The following ITPR2 variants were observed in gnomAD, a reference collection of about 807,000 sequenced individuals.
ITPR2 encodes inositol 1,4,5-trisphosphate receptor type 2, also known as inositol 1,4,5-trisphosphate-gated calcium channel ITPR2.
Under a neutral mutation model 317.1 loss-of-function variants are expected in ITPR2, and 207 were observed. That is an observed-to-expected ratio of 0.65 (90% CI 0.58 to 0.73). The LOEUF (loss-of-function observed/expected upper bound fraction) is 0.73. ITPR2 is among the 30% of genes least tolerant of loss of function. The pLI is 0.00. For missense variants in ITPR2, 2,613 were observed against 3,284.0 expected, an observed-to-expected ratio of 0.80 and a Z score of 4.99; for synonymous variants, 1,156 against 1,149.1, an observed-to-expected ratio of 1.01 and a Z score of -0.12.
intron 39 of ITPR2, among the ~76,000 whole-genome samples, chr12:26,488,136 G>C (rs1942714114): frequency 6.6e-6 from 1 of 151,964 alleles, no homozygotes; most frequent in South Asian, 2.1e-4. Context: ...GTGGGTGGGG[G>C]AATTATAACT....
At chr12:26,804,099 T>C (rs974896480) in intron 1 of ITPR2, among the ~76,000 whole-genome samples, 1 of 151,982 alleles carries the variant, frequency 6.6e-6, no homozygotes, top group Admixed American at 6.5e-5. Flanking sequence ...AACTAGTAAA[T>C]AGAATCTTTC....
chr12:26,687,353 G>C (rs551884775), intron 10 of ITPR2, among the ~76,000 whole-genome samples: 1 of 152,142 alleles, frequency 6.6e-6, no homozygotes. Flanking sequence ...TGCAATATAA[G>C]CTTGGTAGTT....
chr12:26,523,573 T>G (rs535833108), intron 37 of ITPR2, among the ~76,000 whole-genome samples: 1 of 152,160 alleles, frequency 6.6e-6, no homozygotes, highest in Non-Finnish European at 1.5e-5. Flanking sequence ...AGAAAACATT[T>G]TTCTCTACTT....
At chr12:26,357,311 T>C (rs1237799057) in intron 55 of ITPR2, among the ~76,000 whole-genome samples, 1 of 152,158 alleles carries the variant, frequency 6.6e-6, no homozygotes, top group Non-Finnish European at 1.5e-5. Flanking sequence ...ATCAGGCCTA[T>C]GTAATGAAGC....
chr12:26,498,880 AGGCTGGAGTACAGT>A (rs1360353636), intron 37 of ITPR2, among the ~76,000 whole-genome samples: 1 of 152,164 alleles, frequency 6.6e-6, no homozygotes, highest in Non-Finnish European at 1.5e-5. Flanking sequence ...TGTGTTGCCC[AGGCTGGAGTACAGT>A]GGCACAATCA....
intron 34 of ITPR2, among the ~76,000 whole-genome samples, chr12:26,565,825 G>A (rs1272240604): frequency 7.4e-6 from 1 of 135,148 alleles, no homozygotes; most frequent in African/African-American, 2.9e-5. Flanking sequence ...AAGAAAAGAA[G>A]AGAGGAGAGG....
intron 21 of ITPR2, 152 bp downstream of exon 21, chr12:26,653,824 C>A: frequency 1.7e-6 from 1 of 588,132 alleles, no homozygotes; most frequent in Non-Finnish European, 2.9e-6. Context: ...TGTAAATCCA[C>A]CTTATTATCA....
chr12:26,652,276 G>A (rs1323845375), intron 21 of ITPR2, among the ~76,000 whole-genome samples: 3 of 152,170 alleles, frequency 2.0e-5, no homozygotes, highest in South Asian at 2.1e-4. Context: ...CTGTCCCCTC[G>A]CTTCTAGTTA....
intron 51 of ITPR2, among the ~76,000 whole-genome samples, chr12:26,411,790 A>G (rs1254144206): frequency 6.6e-6 from 1 of 152,126 alleles, no homozygotes; most frequent in East Asian, 1.9e-4. Flanking sequence ...CTGAGCCCTA[A>G]GCCACTCGTC....
intron 30 of ITPR2, 146 bp from the exon 31 acceptor site, chr12:26,597,280 G>T (rs867202182): frequency 1.1e-6 from 1 of 937,332 alleles, no homozygotes. Flanking sequence ...CTTGGGGAGG[G>T]TGGTGACAAG....
chr12:26,371,398 C>A (rs909918791), intron 55 of ITPR2, among the ~76,000 whole-genome samples: 1 of 152,096 alleles, frequency 6.6e-6, no homozygotes, highest in African/African-American at 2.4e-5. Flanking sequence ...AGAAATAGTT[C>A]TAGGTACTGG....
chr12:26,825,019 G>T (rs570809656), intron 1 of ITPR2, among the ~76,000 whole-genome samples: 1 of 152,246 alleles, frequency 6.6e-6, no homozygotes, highest in South Asian at 2.1e-4. Flanking sequence ...ATCACCTGAG[G>T]TTAGGAGTTT....
intron 49 of ITPR2, among the ~76,000 whole-genome samples, chr12:26,420,475 A>C (rs11048508): frequency 0.4 from 60,250 of 152,042 alleles, 13,633 homozygotes; most frequent in Non-Finnish European, 0.52. Flanking sequence ...TTTTCCTTTC[A>C]ATTTCTGAAG....
At chr12:26,484,781 C>A (rs566916298) in intron 41 of ITPR2, among the ~76,000 whole-genome samples, 1 of 152,014 alleles carries the variant, frequency 6.6e-6, no homozygotes. Context: ...GCATCATCTC[C>A]GCTCACTGCA....
At chr12:26,346,275 G>A (rs1255482128) in intron 55 of ITPR2, among the ~76,000 whole-genome samples, 1 of 152,226 alleles carries the variant, frequency 6.6e-6, no homozygotes, top group Non-Finnish European at 1.5e-5. Flanking sequence ...TTAGATAGAA[G>A]TGTAGAAACC....
chr12:26,398,869 C>G lies in ITPR2; in HGVS notation c.7696+7G>C. The G allele has an allele frequency of 1.9e-6, 3 of 1,606,644 alleles. No homozygotes were observed. Among genetic ancestry groups the G allele is most frequent in the Non-Finnish European group, 2.5e-6 (3 of 1,177,662 alleles). On this transcript the variant is annotated splice_region_variant and intron_variant, in intron 54 of 56. Transcript: ENST00000381340. ...ATCTATTATTTTAGCATCTGCCGAA[C>G]ACTTACCACAGATGAAACAAGTTGT... is the stretch of plus-strand genomic sequence containing the variant.
At chr12:26,668,805 AC>A (rs200333607) in intron 13 of ITPR2, among the ~76,000 whole-genome samples, 2 of 138,348 alleles carry the variant, frequency 1.4e-5, no homozygotes, top group African/African-American at 5.1e-5. Context: ...AGGTGGATAT[AC>A]CAAAAAAAAA....
At chr12:26,777,211 T>C (rs190976972) in intron 2 of ITPR2, among the ~76,000 whole-genome samples, 54 of 152,326 alleles carry the variant, frequency 3.5e-4, no homozygotes, top group Admixed American at 2.0e-3. Context: ...TCCCTTGGTT[T>C]AATGTGGAGG....
In ITPR2 at chr12:26,725,761, G is replaced by A. The variant is rs1948909052; in HGVS notation, c.168C>T (p.Cys56=). 1.2e-6 allele frequency: 2 copies of A among 1,608,210 alleles called. No individual in the cohort carries two copies. The highest frequency in any genetic ancestry group is 1.7e-6 in the Non-Finnish European group (2 of 1,175,122). ...LANPPKKFRD[C]LFKVCPMNRY... ...TGTTCATAGGGCACACCTTGAAAAG[G>A]CAGTCTGTGACAAACCAACATACAA... The change falls in exon 3 of 57, where the codon TGC becomes TGT. Residue 56 remains cysteine (C), a synonymous_variant. Coordinates refer to ENST00000381340, the MANE Select transcript of ITPR2 (RefSeq NM_002223.4).
Sources: allele counts gnomAD v4.1 joint callset (sites outside exome capture counted in the v4.1 genomes callset), GRCh38; gene constraint gnomAD v4.1.1; transcripts MANE v1.5; gene names NCBI Gene and HGNC (gene_info 2026-07-23, HGNC 2026-07-21).